Variants in CD163 observed in about 807,000 individuals in gnomAD.
CD163 encodes the protein CD163 molecule.
In CD163, 64 loss-of-function variants were observed where a neutral mutation model predicts 129.2. The observed-to-expected ratio is 0.50, with a 90% CI of 0.41 to 0.61. CD163 has a LOEUF of 0.61. Among genes scored for constraint, CD163 ranks in the 20% least tolerant of loss-of-function variants. The probability of loss-of-function intolerance (pLI) is 0.00; values close to 1 mark genes in which losing one functional copy is unlikely to be tolerated. For synonymous variants in CD163, 446 were observed against 478.5 expected, an observed-to-expected ratio of 0.93 and a Z score of 0.89; for missense variants, 1,061 against 1,377.9, an observed-to-expected ratio of 0.77 and a Z score of 3.64.
chr12:7,474,444 G>A (rs754850874), intron 16 of CD163, among the ~76,000 whole-genome samples: 20 of 152,172 alleles, frequency 1.3e-4, no homozygotes, highest in African/African-American at 2.6e-4. Flanking sequence ...TCACAACTAC[G>A]TGGAAACTGA....
At position 7,486,603 on chromosome 12, in the gene CD163, T is replaced by C. The variant is rs771070907; in HGVS notation, c.2354A>G (p.Glu785Gly). 8.1e-6 allele frequency: 13 copies of C among 1,614,192 alleles called. No individual in the cohort carries two copies. The South Asian group carries it at 1.3e-4, about 16-fold the overall frequency. ...GGATTCTTTTCCATTGCATTTCATC[T>C]CATCCAGCCAGATGGGCCCTGTTCC... The part of the protein sequence containing the change: ...GEGTGPIWLD[E>G]MKCNGKESRI... Residue 785 changes from glutamate (E) to glycine (G), a missense_variant, in exon 10 of 17, where the codon GAG becomes GGG. By Grantham distance (98) the Glu-to-Gly change is moderately conservative (BLOSUM62 -2). Transcript: ENST00000432237.
Position 7,479,372 on chromosome 12 carries a change from G to A in CD163, c.*31+488C>T, listed in dbSNP as rs142054711. Among the ~76,000 whole-genome samples, 198 of 151,986 alleles carry A rather than the reference G, an allele frequency of 1.3e-3. 5 individuals carry two copies. The highest frequency in any genetic ancestry group is 2.2e-4 in the Non-Finnish European group (15 of 67,922). On this transcript the variant is annotated intron_variant, in intron 16 of 16. Coordinates refer to ENST00000432237, the MANE Select transcript of CD163 (RefSeq NM_203416.4). ...CCCTAAAGGCATGGTTCTTTTTTCT[G>A]CCTCTAGTTTGCACATACTGTGTCC...
chr12:7,471,920 T>A (rs1360930024), intron 16 of CD163: 4 of 152,288 alleles, frequency 2.6e-5, no homozygotes, highest in African/African-American at 9.6e-5. Flanking sequence ...GAGGGACATC[T>A]GCCATCACTG....
At chr12:7,503,230 T>G (rs1422274157) in intron 1 of CD163, among the ~76,000 whole-genome samples, 2 of 152,170 alleles carry the variant, frequency 1.3e-5, no homozygotes, top group Non-Finnish European at 2.9e-5. Flanking sequence ...CAACACTAAT[T>G]TAAAACTAAA....
chr12:7,494,067 C>A (rs760281336), intron 6 of CD163, among the ~76,000 whole-genome samples: 2 of 152,144 alleles, frequency 1.3e-5, no homozygotes, highest in African/African-American at 4.8e-5. Flanking sequence ...ATAATGAAAG[C>A]AAATGATAGC....
In CD163 at chr12:7,487,931, G is replaced by A. The variant is rs765392469; in HGVS notation, c.1577C>T (p.Ser526Phe). ...CRELQCGTVVSILGGAHFGEG... is the reference protein window; with the variant it reads ...CRELQCGTVVFILGGAHFGEG... ...TCCAAAGTGAGCTCCCCCCAGGATA[G>A]AGACAACTGTGCCACACTGTAATTC... Residue 526 changes from serine to phenylalanine, a missense_variant, in exon 7 of 17, where the codon TCT becomes TTT. By Grantham distance (155) the Ser-to-Phe change is radical. Coordinates refer to ENST00000432237, the MANE Select transcript of CD163 (RefSeq NM_203416.4). This position sits in a 1 kb window ranked among gnomAD's most constrained non-coding sequence, Gnocchi z 5.1. The A allele has an allele frequency of 1.9e-6, 3 of 1,614,064 alleles. No homozygotes were observed. The Admixed American group carries it at 5.0e-5, about 27-fold the overall frequency.
At position 7,496,256 on chromosome 12, in the gene CD163, T is replaced by G. The variant is rs1419052848; in HGVS notation, c.1099+557A>C. 6.6e-6 allele frequency among the ~76,000 whole-genome samples: 1 copy of G among 151,242 alleles called. No homozygotes were observed. The highest frequency in any genetic ancestry group is 1.5e-5 in the Non-Finnish European group (1 of 67,972). On this transcript the variant is annotated intron_variant, in intron 5 of 16. Transcript: ENST00000432237. The surrounding 1 kb of genome is among the most constrained non-coding windows in gnomAD (Gnocchi z 4.8). Reference sequence around the variant, plus strand: ...AAAACCAAACACTGCATGTTCTCACTCATAACTGGGAGTTGAACAATGAGA... The same window carrying G: ...AAAACCAAACACTGCATGTTCTCACGCATAACTGGGAGTTGAACAATGAGA...
rs745344784 is a variant in CD163 at position 7,496,982 on chromosome 12, T to C, written c.930A>G (p.Pro310=). 6.2e-7 allele frequency: 1 copy of C among 1,614,050 alleles called. No homozygotes were observed. The highest frequency in any genetic ancestry group is 8.5e-7 in the Non-Finnish European group (1 of 1,179,986). The change falls in exon 5 of 17, where the codon CCA becomes CCG. Residue 310 remains proline (P), a synonymous_variant. Coordinates refer to ENST00000432237, the MANE Select transcript of CD163 (RefSeq NM_203416.4). The surrounding 1 kb of genome is among the most constrained non-coding windows in gnomAD (Gnocchi z 4.8). ...AAVACKQLGC[P]TAVTAIGRVN... is the part of the protein sequence containing the mutation. ...CTCGACCAATGGCTGTGACGGCAGT[T>C]GGACATCCCAGTTGCTTGCATGCCA...
chr12:7,481,249 T>A lies in CD163; in HGVS notation c.3255A>T (p.Ser1085=), dbSNP rs770244368. The part of the protein sequence containing the change: ...RRQRQRLAVS[S]RGENLVHQIQ... ...TTTGGTGGACTAAGTTCTCTCCTCT[T>A]GAGGAAACTGAAAACAGAGATCCCT... The change falls in exon 15 of 17, where the codon TCA becomes TCT. Residue 1085 remains serine, a synonymous_variant. Coordinates refer to ENST00000432237, the MANE Select transcript of CD163 (RefSeq NM_203416.4). 6 of 1,612,736 alleles carry A rather than the reference T, an allele frequency of 3.7e-6. No individual in the cohort carries two copies. The East Asian group carries it at 1.3e-4, about 36-fold the overall frequency.
At chr12:7,472,288 C>G (rs1034859440) in intron 16 of CD163, among the ~76,000 whole-genome samples, 3 of 152,192 alleles carry the variant, frequency 2.0e-5, no homozygotes. Context: ...GAGAGACCTC[C>G]AAGCAGGGGT....
rs1565833658 is a variant in CD163 at position 7,479,846 on chromosome 12, T to C, written c.*31+14A>G. ...GCTGTTTTGAACAATGACTAATAAA[T>C]TCTCATCACTCACCTCACTGGGTTA... On this transcript the variant is annotated intron_variant, in intron 16 of 16. Coordinates refer to ENST00000432237, the MANE Select transcript of CD163 (RefSeq NM_203416.4). The C allele has an allele frequency of 2.5e-6, 4 of 1,609,684 alleles. No individual in the cohort carries two copies. Among genetic ancestry groups the C allele is most frequent in the Non-Finnish European group, 3.4e-6 (4 of 1,178,364 alleles).
chr12:7,495,110 T>C lies in CD163; in HGVS notation c.1391A>G (p.His464Arg), dbSNP rs775452646. 3.1e-6 allele frequency: 5 copies of C among 1,614,004 alleles called. No homozygotes were observed. In the Admixed American group the frequency reaches 5.0e-5, roughly 16 times the overall value. Residue 464 changes from histidine (H) to arginine (R), a missense_variant, in exon 6 of 17, where the codon CAC becomes CGC. By Grantham distance (29) the His-to-Arg change is conservative (BLOSUM62 0). Transcript: ENST00000432237. ...GCAGGTAATTTTGGCTTCTTCATAG[T>C]GATCACAGGTAAGTCCACCCCATTG... ...NWQWGGLTCD[H>R]YEEAKITCSA...
chr12:7,497,253 G>A, intron 4 of CD163, 120 bp from the exon 5 acceptor site: 1 of 770,336 alleles, frequency 1.3e-6, no homozygotes, highest in Non-Finnish European at 2.1e-6. Flanking sequence ...AGAGAAAACT[G>A]TGATGTACTG....
intron 3 of CD163, among the ~76,000 whole-genome samples, chr12:7,499,892 C>T (rs751299454): frequency 3.9e-5 from 6 of 152,064 alleles, no homozygotes; most frequent in Non-Finnish European, 8.8e-5. Context: ...AAACAGTGTA[C>T]CAGTAGTTTT....
chr12:7,499,250 G>T (rs944019778), intron 3 of CD163, 62 bp from the exon 4 acceptor site: 5 of 1,445,052 alleles, frequency 3.5e-6, no homozygotes, highest in Non-Finnish European at 4.7e-6. Flanking sequence ...TTTTAGAAAA[G>T]AAGTTTCCTC....
chr12:7,482,065 T>C (rs897121140), intron 14 of CD163, among the ~76,000 whole-genome samples: 5 of 152,170 alleles, frequency 3.3e-5, no homozygotes, highest in African/African-American at 1.2e-4. Context: ...TACATTGTAG[T>C]GTATTTGTTT....
rs1335423565 is a variant in CD163, at chr12:7,496,216, AAC to A, written c.1099+595_1099+596del. On this transcript the variant is annotated intron_variant, in intron 5 of 16. Coordinates refer to ENST00000432237, the MANE Select transcript of CD163 (RefSeq NM_203416.4). The surrounding 1 kb of genome is among the most constrained non-coding windows in gnomAD (Gnocchi z 4.8). Reference sequence around the variant, plus strand: ...TAGAAACCATCATCCTCAGCAAACTAACACACAAGAACAGAAAACCAAACACT... The same window carrying A: ...TAGAAACCATCATCCTCAGCAAACTAACACAAGAACAGAAAACCAAACACT... 6.6e-6 allele frequency among the ~76,000 whole-genome samples: 1 copy of A among 152,156 alleles called. No individual in the cohort carries two copies. The highest frequency in any genetic ancestry group is 1.5e-5 in the Non-Finnish European group (1 of 68,022).
chr12:7,482,700 T>C lies in CD163; in HGVS notation c.3190A>G (p.Ile1064Val), dbSNP rs377159495. ...GTCAAGAAGAATAATGCGACGAAAA[T>C]GGCCAACAGAACAACCCCAAGGATC... Reference protein sequence around the residue: ...VGILGVVLLAIFVALFFLTKK... With the variant: ...VGILGVVLLAVFVALFFLTKK... The change falls in exon 14 of 17, where the codon ATT (isoleucine) becomes GTT (valine). Residue 1064 changes from isoleucine to valine, a missense_variant. By Grantham distance (29) the Ile-to-Val change is conservative. Transcript: ENST00000432237. 8.7e-6 allele frequency: 14 copies of C among 1,613,902 alleles called. No homozygotes were observed. The highest frequency in any genetic ancestry group is 1.2e-5 in the Non-Finnish European group (14 of 1,180,000).
chr12:7,476,799 G>A (rs995834623), intron 16 of CD163, among the ~76,000 whole-genome samples: 10 of 152,120 alleles, frequency 6.6e-5, no homozygotes, highest in African/African-American at 2.2e-4. Flanking sequence ...GGGTGAACAG[G>A]CAACCTACAG....
Sources: gnomAD v4.1 joint callset for allele counts (sites outside exome capture counted in the v4.1 genomes callset) on GRCh38, gnomAD v4.1.1 for gene constraint, Gnocchi (gnomAD v3.1) non-coding constraint, MANE v1.5 for transcripts, NCBI Gene and HGNC (gene_info 2026-07-23, HGNC 2026-07-21) for gene names.